PRKCE: variants seen among roughly 807,000 people sequenced by gnomAD.
PRKCE encodes protein kinase C epsilon.
In PRKCE, 16 loss-of-function variants were observed where a neutral mutation model predicts 85.4. The ratio of observed to expected loss-of-function variants is 0.19; its 90% confidence interval spans 0.13 to 0.28. PRKCE has a LOEUF of 0.28. Among genes scored for constraint, PRKCE ranks in the 10% least tolerant of loss-of-function variants. The pLI, the probability that PRKCE is intolerant of heterozygous loss-of-function variation, is 1.00. For synonymous variants in PRKCE, 388 were observed against 371.5 expected (o/e 1.04, Z -0.51); for missense variants, 573 against 975.2 (o/e 0.59, Z 5.49).
intron 10 of PRKCE, among the ~76,000 whole-genome samples, chr2:46,026,018 G>C (rs780943717): frequency 6.6e-6 from 1 of 152,186 alleles, no homozygotes; most frequent in East Asian, 1.9e-4. Flanking sequence ...AGCTGAAAAT[G>C]ATCAATAGAT....
chr2:46,084,963 C>T (rs1256673613), intron 10 of PRKCE, among the ~76,000 whole-genome samples: 1 of 152,090 alleles, frequency 6.6e-6, no homozygotes. Flanking sequence ...TTCTCTGAAT[C>T]TTTTTAGCAC....
chr2:45,671,929 G>GGCAT (rs1351839320), intron 1 of PRKCE, among the ~76,000 whole-genome samples: 1 of 151,974 alleles, frequency 6.6e-6, no homozygotes, highest in Non-Finnish European at 1.5e-5. Context: ...TAGGCATGAC[G>GGCAT]GCATGCACCT....
At chr2:46,007,423 G>A (rs750884992) in intron 8 of PRKCE, 39 bp from the exon 9 acceptor site, 1 of 1,587,374 alleles carries the variant, frequency 6.3e-7, no homozygotes, top group Non-Finnish European at 8.6e-7. Flanking sequence ...GGCTTAAGAG[G>A]TATGCACTAA....
At chr2:45,763,667 C>T (rs1263466991) in intron 1 of PRKCE, among the ~76,000 whole-genome samples, 1 of 152,156 alleles carries the variant, frequency 6.6e-6, no homozygotes, top group East Asian at 1.9e-4. Context: ...TAGTCTCAGG[C>T]TCCCTCCGCT....
intron 11 of PRKCE, among the ~76,000 whole-genome samples, chr2:46,089,228 G>C (rs761794844): frequency 3.9e-5 from 6 of 151,984 alleles, no homozygotes; most frequent in Non-Finnish European, 8.8e-5. Flanking sequence ...TTCAACCTTC[G>C]CATGGCTTCA....
intron 1 of PRKCE, among the ~76,000 whole-genome samples, chr2:45,753,621 G>A (rs540678348): frequency 5.9e-5 from 9 of 152,126 alleles, no homozygotes; most frequent in Admixed American, 2.6e-4. Context: ...TTTGCAGATC[G>A]GCTGCTGCGC....
At chr2:46,008,267 C>T (rs1705373401) in intron 9 of PRKCE, among the ~76,000 whole-genome samples, 1 of 152,148 alleles carries the variant, frequency 6.6e-6, no homozygotes. Context: ...ATCCTGTTCC[C>T]ACTGAGATGA....
chr2:46,034,578 A>G (rs571706593), intron 10 of PRKCE, among the ~76,000 whole-genome samples: 7 of 152,236 alleles, frequency 4.6e-5, no homozygotes, highest in Admixed American at 2.0e-4. Flanking sequence ...TCCCTCCCAC[A>G]TCTAAGGACA....
chr2:46,116,250 C>G (rs908552846), intron 11 of PRKCE, among the ~76,000 whole-genome samples: 8 of 152,204 alleles, frequency 5.3e-5, no homozygotes, highest in African/African-American at 1.9e-4. Context: ...AGAGAGATGA[C>G]CACACTCCTC....
chr2:45,691,434 C>G (rs1018794846), intron 1 of PRKCE, among the ~76,000 whole-genome samples: 1 of 152,142 alleles, frequency 6.6e-6, no homozygotes, highest in Admixed American at 6.6e-5. Context: ...CTCTGTCCAT[C>G]AAAGGTTTTT....
chr2:45,898,973 A>G (rs1286279547), intron 2 of PRKCE, among the ~76,000 whole-genome samples: 7 of 152,226 alleles, frequency 4.6e-5, no homozygotes, highest in African/African-American at 1.4e-4. Flanking sequence ...GCTAGGCCAT[A>G]CACCCAACTC....
At chr2:45,757,679 T>A (rs1361889148) in intron 1 of PRKCE, among the ~76,000 whole-genome samples, 1 of 151,954 alleles carries the variant, frequency 6.6e-6, no homozygotes, top group Admixed American at 6.6e-5. Flanking sequence ...TAAAAAATAA[T>A]AAATAATAAA....
chr2:46,037,990 G>A (rs759543301), intron 10 of PRKCE, among the ~76,000 whole-genome samples: 1 of 152,188 alleles, frequency 6.6e-6, no homozygotes, highest in Non-Finnish European at 1.5e-5. Flanking sequence ...TCATAGGGTT[G>A]TTTTAACGCT....
chr2:46,057,217 G>A (rs1053767199), intron 10 of PRKCE, among the ~76,000 whole-genome samples: 4 of 152,166 alleles, frequency 2.6e-5, no homozygotes, highest in Non-Finnish European at 5.9e-5. Flanking sequence ...TCTTCATGAC[G>A]TACTCTCAGA....
Position 46,007,589 on chromosome 2 carries a change from A to G in PRKCE, c.1191A>G (p.Gln397=). 2 of 1,599,804 alleles carry G rather than the reference A, an allele frequency of 1.3e-6. No homozygotes were observed. The highest frequency in any genetic ancestry group is 8.5e-7 in the Non-Finnish European group (1 of 1,179,962). The change falls in exon 9 of 15, where the codon CAA becomes CAG. Residue 397 remains glutamine (Q), a synonymous_variant. Transcript: ENST00000306156. ...CCGGTGAGAATGGCGAAGTCCGGCA[A>G]GGCCAGGCCAAGCGCCTGGGCCTGG... ...MSPGENGEVR[Q]GQAKRLGLDE...
chr2:46,123,584 G>A (rs1050271279), intron 11 of PRKCE, among the ~76,000 whole-genome samples: 1 of 152,144 alleles, frequency 6.6e-6, no homozygotes, highest in African/African-American at 2.4e-5. Context: ...CGCTTCCCAG[G>A]TTCAAGCAAT....
At chr2:46,002,347 G>A (rs944892774) in intron 7 of PRKCE, among the ~76,000 whole-genome samples, 4 of 152,178 alleles carry the variant, frequency 2.6e-5, no homozygotes, top group Admixed American at 6.5e-5. Context: ...GCCCAGTGGC[G>A]AACATCCTCA....
chr2:45,807,411 G>T (rs566500713), intron 1 of PRKCE, among the ~76,000 whole-genome samples: 1 of 152,346 alleles, frequency 6.6e-6, no homozygotes, highest in East Asian at 1.9e-4. Flanking sequence ...CTCAAAAGGC[G>T]ATGTGTTTCA....
At chr2:45,882,782 C>T (rs1694976756) in intron 2 of PRKCE, among the ~76,000 whole-genome samples, 2 of 152,264 alleles carry the variant, frequency 1.3e-5, no homozygotes, top group South Asian at 2.1e-4. Flanking sequence ...TTTGGGCCTG[C>T]ACTCAACGTT....
Sources: gnomAD v4.1 joint callset for allele counts (sites outside exome capture counted in the v4.1 genomes callset) on GRCh38, gnomAD v4.1.1 for gene constraint, MANE v1.5 for transcripts, NCBI Gene and HGNC (gene_info 2026-07-23, HGNC 2026-07-21) for gene names.